Variants in DEPDC4 observed in about 807,000 individuals in gnomAD.
DEPDC4 encodes DEP domain containing 4, also known as DEP domain-containing protein 4.
DEPDC4 carries 52 observed loss-of-function variants against 52.0 expected under a neutral mutation model. The observed-to-expected ratio is 1.00, with a 90% CI of 0.80 to 1.26. DEPDC4 has a LOEUF of 1.26. Among genes scored for constraint, DEPDC4 ranks in the 50% most tolerant of loss-of-function variants. The pLI, the probability that DEPDC4 is intolerant of heterozygous loss-of-function variation, is 0.00. For synonymous variants in DEPDC4, 201 were observed against 196.8 expected (o/e 1.02, Z -0.18); for missense variants, 530 against 546.9 (o/e 0.97, Z 0.31).
chr12:100,262,469 T>C, intron 2 of DEPDC4, 60 bp from the exon 3 acceptor site: 7 of 1,300,072 alleles, frequency 5.4e-6, no homozygotes, highest in Non-Finnish European at 6.1e-6. Flanking sequence ...TTCAAATATA[T>C]ATTTAAATTA....
downstream of DEPDC4, among the ~76,000 whole-genome samples, chr12:100,238,488 A>G (rs1437529923): frequency 6.7e-6 from 1 of 149,554 alleles, no homozygotes; most frequent in Non-Finnish European, 1.5e-5. Flanking sequence ...GGAAGAACTT[A>G]AAAGTCATCT....
chr12:100,272,495 G>A, the DEPDC4 span, among the ~76,000 whole-genome samples: 1 of 152,052 alleles, frequency 6.6e-6, no homozygotes, highest in Non-Finnish European at 1.5e-5. Flanking sequence ...TACCATACTG[G>A]CTCATCGTGC....
chr12:100,279,967 C>T, the DEPDC4 span, among the ~76,000 whole-genome samples: 12 of 152,214 alleles, frequency 7.9e-5, no homozygotes, highest in South Asian at 2.1e-4. Context: ...CATCTACCTC[C>T]GCATTCTTGA....
chr12:100,258,204 A>G (rs1204894107), intron 3 of DEPDC4, among the ~76,000 whole-genome samples: 2 of 152,178 alleles, frequency 1.3e-5, no homozygotes, highest in African/African-American at 4.8e-5. Flanking sequence ...AGGAAAAAGT[A>G]AAAAAAGAAG....
intron 9 of DEPDC4, 27 bp from the exon 10 acceptor site, chr12:100,241,872 AAAAAG>A: frequency 8.4e-7 from 1 of 1,190,076 alleles, no homozygotes; most frequent in Non-Finnish European, 1.1e-6. Flanking sequence ...AAAACAAAAG[AAAAAG>A]AAAAGTACCA....
intron 3 of DEPDC4, among the ~76,000 whole-genome samples, chr12:100,259,320 C>A (rs976484976): frequency 9.2e-5 from 14 of 152,088 alleles, no homozygotes; most frequent in African/African-American, 3.4e-4. Context: ...AAGGGGATTT[C>A]CCCAAGAAGA....
the DEPDC4 span, among the ~76,000 whole-genome samples, chr12:100,274,514 T>A: frequency 6.6e-6 from 1 of 152,216 alleles, no homozygotes. Context: ...ACATCTGTCC[T>A]GAAAGAAGCA....
intron 9 of DEPDC4, among the ~76,000 whole-genome samples, chr12:100,233,023 G>T (rs1055068218): frequency 2.0e-5 from 3 of 152,144 alleles, no homozygotes; most frequent in African/African-American, 7.2e-5. Flanking sequence ...TGCAACAATT[G>T]TATACTAGCT....
At chr12:100,250,401 G>T (rs1289703520) in intron 7 of DEPDC4, among the ~76,000 whole-genome samples, 1 of 151,968 alleles carries the variant, frequency 6.6e-6, no homozygotes, top group Admixed American at 6.6e-5. Context: ...TGTATTTTTA[G>T]TAGAGACTGG....
chr12:100,253,042 G>A (rs1240609051), intron 5 of DEPDC4, among the ~76,000 whole-genome samples: 3 of 151,968 alleles, frequency 2.0e-5, no homozygotes, highest in African/African-American at 4.8e-5. Context: ...TCAGCCTCCC[G>A]AGTAGCTGGG....
intron 1 of DEPDC4, among the ~76,000 whole-genome samples, chr12:100,265,834 TAGAA>T (rs1277211237): frequency 6.6e-6 from 1 of 152,174 alleles, no homozygotes; most frequent in Non-Finnish European, 1.5e-5. Context: ...TGTAAATAAA[TAGAA>T]AGATCTGGAA....
chr12:100,245,677 G>A (rs1283149539), intron 8 of DEPDC4, among the ~76,000 whole-genome samples: 2 of 152,110 alleles, frequency 1.3e-5, no homozygotes, highest in African/African-American at 2.4e-5. Context: ...GCATTGTACA[G>A]GCCTACATAA....
intron 1 of DEPDC4, among the ~76,000 whole-genome samples, chr12:100,264,858 C>T (rs1171593441): frequency 6.6e-6 from 1 of 152,028 alleles, no homozygotes; most frequent in Non-Finnish European, 1.5e-5. Context: ...TAAAGATGTG[C>T]CTTATTTTAC....
Position 100,241,626 on chromosome 12 carries a change from G to A in DEPDC4, c.*266C>T. On this transcript the variant is annotated 3_prime_UTR_variant, in exon 10 of 10. Transcript: ENST00000550587. ...ATGGCAATTTGAGAAAACCACCAGA[G>A]AATTGTTTATATTTACAAATTGTAG... The A allele has an allele frequency of 2.8e-6, 3 of 1,081,338 alleles. No homozygotes were observed. Among genetic ancestry groups the A allele is most frequent in the Non-Finnish European group, 3.5e-6 (3 of 864,876 alleles). 67.0% of individuals were successfully genotyped at this position (1,081,338 alleles called of 1,614,324 possible). A position where few individuals can be genotyped will look rare whatever the true frequency, so the allele number is the denominator to read the frequency against.
At chr12:100,267,154 TGCCCCCGGCCG>T (rs943645983), upstream of DEPDC4, 1 of 1,485,740 alleles carries the variant, frequency 6.7e-7, no homozygotes, top group Non-Finnish European at 9.2e-7. Flanking sequence ...AGTGACGTCA[TGCCCCCGGCCG>T]GCAGGTCTTT....
downstream of DEPDC4, among the ~76,000 whole-genome samples, chr12:100,235,503 A>G (rs117759761): frequency 0.024 from 3,589 of 151,804 alleles, 62 homozygotes; most frequent in African/African-American, 0.04. Context: ...ACTGAACCCA[A>G]TTTGTAGCCT....
intron 8 of DEPDC4, among the ~76,000 whole-genome samples, chr12:100,244,118 T>TACACAC (rs2096173978): frequency 8.6e-6 from 1 of 115,724 alleles, no homozygotes; most frequent in African/African-American, 4.2e-5. Flanking sequence ...TATATATATA[T>TACACAC]ATATATATAT....
rs377733241 is a variant in DEPDC4, at chr12:100,234,120, AC to A, written c.*699+3847del. ...AGACCCTGTCTCCAGAAACAAACAA[AC>A]AAAAAACCAAACTTTTATTTATGTG... On this transcript the variant is annotated intron_variant and NMD_transcript_variant, in intron 9 of 10. Coordinates refer to the DEPDC4 transcript ENST00000378244. 5.4e-4 allele frequency among the ~76,000 whole-genome samples: 82 copies of A among 152,022 alleles called. 1 individual carries two copies. Among genetic ancestry groups the A allele is most frequent in the African/African-American group, 1.8e-3 (75 of 41,436 alleles).
chr12:100,272,662 G>A, the DEPDC4 span, among the ~76,000 whole-genome samples: 4 of 152,106 alleles, frequency 2.6e-5, no homozygotes, highest in Non-Finnish European at 4.4e-5. Context: ...GCTTCTATAT[G>A]TCGTTGGTAA....
Sources: gnomAD v4.1 joint callset for allele counts (sites outside exome capture counted in the v4.1 genomes callset) on GRCh38, gnomAD v4.1.1 for gene constraint, MANE v1.5 for transcripts, NCBI Gene and HGNC (gene_info 2026-07-23, HGNC 2026-07-21) for gene names.